WIPI2: variants seen among roughly 807,000 people sequenced by gnomAD.
WIPI2 encodes the protein WD repeat domain phosphoinositide-interacting protein 2.
A neutral mutation model predicts 52.3 loss-of-function variants in WIPI2; 28 were observed. That is an observed-to-expected ratio of 0.54 (90% CI 0.40 to 0.73). The LOEUF (loss-of-function observed/expected upper bound fraction) is 0.73, where lower values mean the gene tolerates loss of function less well. Among genes scored for constraint, WIPI2 ranks in the 30% least tolerant of loss-of-function variants. The pLI is 0.00. For missense variants in WIPI2, 506 were observed against 602.9 expected, an observed-to-expected ratio of 0.84 and a Z score of 1.68; for synonymous variants, 268 against 245.0, an observed-to-expected ratio of 1.09 and a Z score of -0.88.
intron 3 of WIPI2, among the ~76,000 whole-genome samples, chr7:5,209,384 A>G (rs995612067): frequency 1.6e-4 from 25 of 152,278 alleles, no homozygotes; most frequent in East Asian, 3.9e-4. Flanking sequence ...GAAGAGATCA[A>G]ATATCTTCAC....
Position 5,225,941 on chromosome 7 carries a change from A to G in WIPI2, c.848+11A>G. 1.2e-6 allele frequency: 2 copies of G among 1,609,420 alleles called. No homozygotes were observed. The highest frequency in any genetic ancestry group is 1.7e-6 in the Non-Finnish European group (2 of 1,177,284). On this transcript the variant is annotated intron_variant, in intron 9 of 12. Transcript: ENST00000288828. ...GACTGTGAAAGAAAAGTGAGTTGCA[A>G]ATATACGTTTCTTTAAAAATGATGC...
chr7:5,217,499 G>C (rs1016926067), intron 6 of WIPI2: 1 of 396,154 alleles, frequency 2.5e-6, no homozygotes, highest in African/African-American at 2.1e-5. Context: ...GTCTTGCTGG[G>C]TTGCCCAGGC....
rs1470289417 is a variant in WIPI2 at position 5,193,056 on chromosome 7, G to A, written c.75-62G>A. The A allele has an allele frequency of 3.3e-6, 5 of 1,503,096 alleles. No homozygotes were observed. In the African/African-American group the frequency reaches 5.5e-5, roughly 17 times the overall value. 93.1% of individuals were successfully genotyped at this position (1,503,096 alleles called of 1,614,324 possible). On this transcript the variant is annotated intron_variant, in intron 1 of 12. Transcript: ENST00000288828. ...TTTTCATGATTCCTATCCTAAAAGT[G>A]TGCATAAGTTTTATTTGTTTTTTAC...
At chr7:5,214,451 G>C (rs1209098207) in intron 3 of WIPI2, 84 bp from the exon 4 acceptor site, 1 of 1,613,448 alleles carries the variant, frequency 6.2e-7, no homozygotes, top group East Asian at 2.2e-5. Flanking sequence ...CGCCCAGGCA[G>C]GTGTTTGTTT....
intron 3 of WIPI2, chr7:5,214,183 T>G (rs1361666880): frequency 9.5e-7 from 1 of 1,050,854 alleles, no homozygotes; most frequent in African/African-American, 1.6e-5. Context: ...CGTAGTAGTT[T>G]GTGTCTTAAT....
rs1412618546 is a variant in WIPI2, at chr7:5,193,167, G to T, written c.124G>T (p.Val42Phe). ...RAAGLGRRAV[V>F]WSLAVGSKSG... ...AGCTGGTCTTGGCCGTCGCGCTGTT[G>T]TCTGGTTAGTTCCAACCCTGGTTTC... Residue 42 changes from valine (V) to phenylalanine (F), a missense_variant, in exon 2 of 13, where the codon GTC (valine) becomes TTC (phenylalanine). Transcript: ENST00000288828. The T allele has an allele frequency of 1.9e-6, 3 of 1,613,400 alleles. No individual in the cohort carries two copies. The highest frequency in any genetic ancestry group is 1.8e-4 in the Middle Eastern group (1 of 5,562).
chr7:5,199,813 C>T (rs1453851325), intron 3 of WIPI2, among the ~76,000 whole-genome samples, 155 bp downstream of exon 3: 1 of 152,208 alleles, frequency 6.6e-6, no homozygotes, highest in East Asian at 1.9e-4. Context: ...GAGGTGGCAA[C>T]TGGTGACACC....
At position 5,225,363 on chromosome 7, in the gene WIPI2, G is replaced by T. The variant is rs10241426; in HGVS notation, c.741-460G>T. On this transcript the variant is annotated intron_variant, in intron 8 of 12. Transcript: ENST00000288828. ...TCACCATGTTGGCCAGGATGGTCTCGATATCTTGACCTCATGATCCGCCCA... is the reference window on the plus strand; with the variant it reads ...TCACCATGTTGGCCAGGATGGTCTCTATATCTTGACCTCATGATCCGCCCA... 3.3e-5 allele frequency among the ~76,000 whole-genome samples: 5 copies of T among 151,972 alleles called. No homozygotes were observed. The East Asian group carries it at 7.7e-4, about 23-fold the overall frequency.
chr7:5,230,777 C>T lies in WIPI2; in HGVS notation c.1253-58C>T, dbSNP rs1279038853. 1.5e-6 allele frequency: 2 copies of T among 1,336,004 alleles called. No homozygotes were observed. The highest frequency in any genetic ancestry group is 2.1e-6 in the Non-Finnish European group (2 of 951,100). The allele number at this position is 1,336,004 out of a possible 1,614,324, so 82.8% of individuals were successfully genotyped here. A position where few individuals can be genotyped will look rare whatever the true frequency, so the allele number is the denominator to read the frequency against. ...CCAAAACACAGTCCTCAGTGTGTGT[C>T]ATGGGGTCTGTGGTGTGTCCCCAGC... On this transcript the variant is annotated intron_variant, in intron 12 of 12. Transcript: ENST00000288828. This position sits in a 1 kb window ranked among gnomAD's most constrained non-coding sequence, Gnocchi z 4.8.
intron 2 of WIPI2, among the ~76,000 whole-genome samples, chr7:5,197,917 TG>T (rs1781829280): frequency 6.6e-6 from 1 of 152,214 alleles, no homozygotes; most frequent in South Asian, 2.1e-4. Flanking sequence ...AAGCTGGACT[TG>T]CTTCTTGTTT....
At chr7:5,195,117 T>G (rs939214108) in intron 2 of WIPI2, among the ~76,000 whole-genome samples, 2 of 152,176 alleles carry the variant, frequency 1.3e-5, no homozygotes, top group African/African-American at 4.8e-5. Context: ...GTGGGGATAC[T>G]GGCAAAATGG....
rs929337734 is a variant in WIPI2, at chr7:5,230,034, C to T, written c.1252+296C>T. Among the ~76,000 whole-genome samples the T allele has an allele frequency of 1.5e-4, 22 of 151,472 alleles. No homozygotes were observed. The highest frequency in any genetic ancestry group is 3.2e-4 in the Non-Finnish European group (22 of 67,934). ...GTGATTCTCCCGCCTCAGCCTCCCA[C>T]AGTGCTGGGATTATAGGCATGAGCC... On this transcript the variant is annotated intron_variant, in intron 12 of 12. Coordinates refer to ENST00000288828, the MANE Select transcript of WIPI2 (RefSeq NM_015610.4). The surrounding 1 kb of genome is among the most constrained non-coding windows in gnomAD (Gnocchi z 4.8).
At position 5,230,199 on chromosome 7, in the gene WIPI2, C is replaced by T. The variant is rs1385680988; in HGVS notation, c.1252+461C>T. Among the ~76,000 whole-genome samples the T allele has an allele frequency of 6.6e-6, 1 of 152,202 alleles. No individual in the cohort carries two copies. Among genetic ancestry groups the T allele is most frequent in the Non-Finnish European group, 1.5e-5 (1 of 68,036 alleles). ...TGAAAAGTACTGCCAAGGGTTTTGC[C>T]TCAGTCTTTTCCCTCCCACCTTTTT... is the stretch of plus-strand genomic sequence containing the variant. On this transcript the variant is annotated intron_variant, in intron 12 of 12. Coordinates refer to ENST00000288828, the MANE Select transcript of WIPI2 (RefSeq NM_015610.4). This position sits in a 1 kb window ranked among gnomAD's most constrained non-coding sequence, Gnocchi z 4.8.
intron 2 of WIPI2, among the ~76,000 whole-genome samples, chr7:5,195,760 G>T (rs1396907712): frequency 6.6e-6 from 1 of 152,102 alleles, no homozygotes; most frequent in Non-Finnish European, 1.5e-5. Flanking sequence ...TACTCATCTA[G>T]GCCAGGCACG....
rs1265616322 is a variant in WIPI2, at chr7:5,227,656, G to A, written c.1013+312G>A. On this transcript the variant is annotated intron_variant, in intron 10 of 12. Transcript: ENST00000288828. The surrounding 1 kb of genome is among the most constrained non-coding windows in gnomAD (Gnocchi z 8.1). ...TGGGGCCACAGAAACCGCACTTGCC[G>A]AGTCTCAGGCATCCGTCCGGCTCCA... Among the ~76,000 whole-genome samples the A allele has an allele frequency of 2.0e-5, 3 of 152,204 alleles. No individual in the cohort carries two copies. The highest frequency in any genetic ancestry group is 6.5e-5 in the Admixed American group (1 of 15,278).
intron 8 of WIPI2, among the ~76,000 whole-genome samples, chr7:5,224,774 C>T (rs1783344627): frequency 6.6e-6 from 1 of 152,168 alleles, no homozygotes; most frequent in South Asian, 2.1e-4. Context: ...AAACTTTCTC[C>T]CAAAGTTAAT....
chr7:5,216,864 G>T (rs941942455), intron 5 of WIPI2: 1 of 690,564 alleles, frequency 1.4e-6, no homozygotes, highest in African/African-American at 1.8e-5. Flanking sequence ...CAAGTTTGAG[G>T]TTACTGATCA....
chr7:5,208,200 C>T (rs988157489), intron 3 of WIPI2, among the ~76,000 whole-genome samples: 3 of 152,038 alleles, frequency 2.0e-5, no homozygotes, highest in Admixed American at 2.0e-4. Flanking sequence ...GCTTGTTGGC[C>T]GTTTATATAT....
chr7:5,190,576 G>GCGGCGTCGCAGGCT (rs1781426947), intron 1 of WIPI2, 83 bp downstream of exon 1: 5 of 1,284,870 alleles, frequency 3.9e-6, no homozygotes, highest in Non-Finnish European at 5.0e-6. Flanking sequence ...GCCAAGCTCG[G>GCGGCGTCGCAGGCT]CGGCGTCGCA....
Sources: gnomAD v4.1 joint callset for allele counts (sites outside exome capture counted in the v4.1 genomes callset) on GRCh38, gnomAD v4.1.1 for gene constraint, Gnocchi (gnomAD v3.1) non-coding constraint, MANE v1.5 for transcripts, NCBI Gene and HGNC (gene_info 2026-07-23, HGNC 2026-07-21) for gene names.